The following FRMPD4 variants were observed in gnomAD, a reference collection of about 807,000 sequenced individuals.
FRMPD4 encodes FERM and PDZ domain-containing protein 4.
Under a neutral mutation model 94.1 loss-of-function variants are expected in FRMPD4, and 22 were observed. The ratio of observed to expected loss-of-function variants is 0.23; its 90% CI spans 0.17 to 0.33. FRMPD4 has a LOEUF of 0.33. Among genes scored for constraint, FRMPD4 ranks in the 10% least tolerant of loss-of-function variants. The pLI is 1.00. For synonymous variants in FRMPD4, 631 were observed against 548.6 expected, an observed-to-expected ratio of 1.15 and a Z score of -2.10; for missense variants, 1,111 against 1,339.9, an observed-to-expected ratio of 0.83 and a Z score of 2.67.
intron 1 of FRMPD4, among the ~76,000 whole-genome samples, chrX:12,246,347 T>A (rs1054147868): frequency 8.9e-6 from 1 of 112,167 alleles, no homozygotes; most frequent in African/African-American, 3.2e-5. Flanking sequence ...TATTCTGATA[T>A]GTAAAGGTTA....
intron 3 of FRMPD4, among the ~76,000 whole-genome samples, chrX:12,115,797 A>T (rs146456304): frequency 0.031 from 3,347 of 109,257 alleles, 62 homozygotes; most frequent in African/African-American, 0.061. Flanking sequence ...TTTTTGCAAG[A>T]CCTTATAATT....
intron 4 of FRMPD4, among the ~76,000 whole-genome samples, chrX:12,630,774 GTCTT>G (rs1393892456): frequency 9.0e-6 from 1 of 111,616 alleles, no homozygotes; most frequent in Non-Finnish European, 1.9e-5. Flanking sequence ...TTGCAAACTT[GTCTT>G]TCTTTGTCAC....
intron 3 of FRMPD4, among the ~76,000 whole-genome samples, chrX:11,933,103 A>T (rs1048744719): frequency 1.8e-5 from 2 of 111,848 alleles, no homozygotes; most frequent in Admixed American, 9.5e-5. Flanking sequence ...GAGAGCTCAG[A>T]CACTCCAGAC....
At chrX:12,127,081 C>A (rs2147544488) in intron 3 of FRMPD4, among the ~76,000 whole-genome samples, 1 of 112,116 alleles carries the variant, frequency 8.9e-6, no homozygotes, top group East Asian at 2.8e-4. Flanking sequence ...TAGTTTCTCT[C>A]CAACTCAGGG....
chrX:12,026,863 G>A (rs891358768), intron 3 of FRMPD4, among the ~76,000 whole-genome samples: 24 of 112,092 alleles, frequency 2.1e-4, no homozygotes, highest in African/African-American at 7.8e-4. Context: ...CATAAATCAT[G>A]GCTTAATACA....
chrX:12,285,563 A>G (rs1449700897), intron 1 of FRMPD4, among the ~76,000 whole-genome samples: 1 of 111,637 alleles, frequency 9.0e-6, no homozygotes, highest in Non-Finnish European at 1.9e-5. Context: ...GCGTGTGTTC[A>G]TGTAACTTAG....
At chrX:12,706,941 T>G (rs1569065740) in intron 12 of FRMPD4, 26 bp downstream of exon 12, 1 of 767,472 alleles carries the variant, frequency 1.3e-6, no homozygotes, top group African/African-American at 2.2e-5. Context: ...TTTTTTTTTT[T>G]GCTTTCTCTT....
At chrX:11,902,191 T>C (rs1413213457) in intron 3 of FRMPD4, among the ~76,000 whole-genome samples, 2 of 112,918 alleles carry the variant, frequency 1.8e-5, no homozygotes, top group Non-Finnish European at 3.7e-5. Flanking sequence ...AGCAATTCTC[T>C]ATGAAAGATG....
At chrX:12,681,517 C>T (rs751188055) in intron 5 of FRMPD4, among the ~76,000 whole-genome samples, 1 of 111,354 alleles carries the variant, frequency 9.0e-6, no homozygotes, top group Non-Finnish European at 1.9e-5. Context: ...TTTTTAAAGA[C>T]GGCAGCCATT....
chrX:12,161,632 A>G (rs1753008919), intron 1 of FRMPD4, among the ~76,000 whole-genome samples: 1 of 111,736 alleles, frequency 8.9e-6, no homozygotes, highest in Non-Finnish European at 1.9e-5. Flanking sequence ...TTAGGATTTG[A>G]CCATTGCTCC....
chrX:11,924,784 A>G (rs1358684403), intron 3 of FRMPD4, among the ~76,000 whole-genome samples: 1 of 112,067 alleles, frequency 8.9e-6, no homozygotes, highest in African/African-American at 3.2e-5. Flanking sequence ...AGAAAGACTT[A>G]CTAGCCACTA....
chrX:12,489,722 A>C (rs1220894632), intron 1 of FRMPD4, among the ~76,000 whole-genome samples: 1 of 112,135 alleles, frequency 8.9e-6, no homozygotes, highest in Non-Finnish European at 1.9e-5. Flanking sequence ...AGCAAGAAAA[A>C]GCATTTAATG....
intron 1 of FRMPD4, among the ~76,000 whole-genome samples, chrX:11,853,212 C>G (rs1214977477): frequency 9.0e-6 from 1 of 111,600 alleles, no homozygotes; most frequent in East Asian, 2.8e-4. Flanking sequence ...AAAAAAGATA[C>G]AACATACCAG....
intron 3 of FRMPD4, among the ~76,000 whole-genome samples, chrX:12,022,116 T>C (rs1269400538): frequency 1.8e-5 from 2 of 112,671 alleles, no homozygotes; most frequent in African/African-American, 6.4e-5. Context: ...CATTCGTTTG[T>C]GTCCCCAGAA....
rs188186546 is a variant in FRMPD4, at chrX:12,056,140, G to A, written c.95+178122G>A. 1.1e-4 allele frequency among the ~76,000 whole-genome samples: 12 copies of A among 111,643 alleles called. No individual in the cohort carries two copies. In the South Asian group the frequency reaches 4.5e-3, roughly 42 times the overall value. ...TTTAAAAAATAAAATATCATTGTCA[G>A]GGCTAAGGGGAAAGTTCCCATTTGC... On this transcript the variant is annotated intron_variant, in intron 3 of 18. Transcript: ENST00000640291.
intron 3 of FRMPD4, among the ~76,000 whole-genome samples, chrX:11,908,019 C>T (rs1173499983): frequency 9.1e-6 from 1 of 109,911 alleles, no homozygotes; most frequent in Non-Finnish European, 1.9e-5. Context: ...TGTCCTTCCT[C>T]TTCTTTTTCC....
At chrX:11,841,054 T>C (rs1318636830) in intron 1 of FRMPD4, among the ~76,000 whole-genome samples, 1 of 110,333 alleles carries the variant, frequency 9.1e-6, no homozygotes, top group African/African-American at 3.3e-5. Flanking sequence ...TTCATCCATG[T>C]CCCTACAAAG....
intron 3 of FRMPD4, among the ~76,000 whole-genome samples, chrX:11,923,058 C>T (rs949055481): frequency 6.2e-5 from 7 of 112,946 alleles, no homozygotes; most frequent in African/African-American, 2.3e-4. Context: ...GCCCCTTTGG[C>T]CATATGCAGC....
intron 3 of FRMPD4, among the ~76,000 whole-genome samples, chrX:11,890,105 T>G (rs2053866286): frequency 8.9e-6 from 1 of 112,218 alleles, no homozygotes; most frequent in Non-Finnish European, 1.9e-5. Context: ...TGGCAGCCAT[T>G]TTTGCAGTAA....
Sources: allele counts gnomAD v4.1 joint callset (sites outside exome capture counted in the v4.1 genomes callset), GRCh38; gene constraint gnomAD v4.1.1; transcripts MANE v1.5; gene names NCBI Gene and HGNC (gene_info 2026-07-23, HGNC 2026-07-21).